Variants in FKBP5 observed in about 807,000 individuals in gnomAD.
The protein encoded by FKBP5 is FKBP prolyl isomerase 5, also known as peptidyl-prolyl cis-trans isomerase FKBP5.
Under a neutral mutation model 50.5 loss-of-function variants are expected in FKBP5, and 23 were observed. The ratio of observed to expected loss-of-function variants is 0.46; its 90% CI spans 0.33 to 0.65. The LOEUF is 0.65. FKBP5 is among the 30% of genes least tolerant of loss of function. The pLI, the probability that FKBP5 is intolerant of heterozygous loss-of-function variation, is 0.02. For synonymous variants in FKBP5, 176 were observed against 190.6 expected (o/e 0.92, Z 0.63); for missense variants, 411 against 553.1 (o/e 0.74, Z 2.58).
chr6:35,629,398 G>C (rs1764087906), intron 3 of FKBP5, among the ~76,000 whole-genome samples: 1 of 152,120 alleles, frequency 6.6e-6, no homozygotes, highest in South Asian at 2.1e-4. Flanking sequence ...TTATGTTTAA[G>C]ACTCTTTTAA....
At position 35,607,450 on chromosome 6, in the gene FKBP5, C is replaced by T. The variant is rs376076159; in HGVS notation, c.509-10046G>A. On this transcript the variant is annotated intron_variant, in intron 5 of 10. Coordinates refer to ENST00000357266, the MANE Select transcript of FKBP5 (RefSeq NM_004117.4). Reference sequence around the variant, plus strand: ...AACTCCTGGGCTCAAGTGACCATCCCACCTTGGCCTCCCAAAGTGCTGGGA... The same window carrying T: ...AACTCCTGGGCTCAAGTGACCATCCTACCTTGGCCTCCCAAAGTGCTGGGA... 2.6e-5 allele frequency among the ~76,000 whole-genome samples: 4 copies of T among 152,180 alleles called. No individual in the cohort carries two copies. The East Asian group carries it at 7.7e-4, about 29-fold the overall frequency.
chr6:35,582,268 A>C (rs1162695157), intron 8 of FKBP5: 5 of 985,244 alleles, frequency 5.1e-6, no homozygotes, highest in African/African-American at 3.5e-5. Context: ...TTTTATTTTA[A>C]ATGCTGAAAT....
intron 3 of FKBP5, among the ~76,000 whole-genome samples, chr6:35,631,046 AAG>A (rs1764137851): frequency 6.6e-6 from 1 of 152,206 alleles, no homozygotes; most frequent in South Asian, 2.1e-4. Flanking sequence ...TAGGCACAAG[AAG>A]AGAGACCCTC....
chr6:35,638,089 G>T (rs989922453), intron 2 of FKBP5, among the ~76,000 whole-genome samples: 26 of 152,142 alleles, frequency 1.7e-4, no homozygotes, highest in Admixed American at 1.4e-3. Flanking sequence ...GTAAAATCCA[G>T]TGTATTTATT....
intron 4 of FKBP5, among the ~76,000 whole-genome samples, 156 bp from the exon 5 acceptor site, chr6:35,619,366 A>C: frequency 7.0e-6 from 1 of 142,106 alleles, no homozygotes; most frequent in Admixed American, 7.1e-5. Flanking sequence ...AAAAGTAGCA[A>C]AAAAAAAAAA....
At chr6:35,605,363 A>G (rs1358826654) in intron 5 of FKBP5, among the ~76,000 whole-genome samples, 1 of 147,122 alleles carries the variant, frequency 6.8e-6, no homozygotes, top group Non-Finnish European at 1.5e-5. Flanking sequence ...CAAAATAATA[A>G]GAGCCACCTA....
chr6:35,650,254 T>C (rs935415137), intron 1 of FKBP5, among the ~76,000 whole-genome samples: 1 of 148,010 alleles, frequency 6.8e-6, no homozygotes, highest in East Asian at 2.0e-4. Context: ...CACGCCATGG[T>C]TGCACCACTG....
intron 2 of FKBP5, among the ~76,000 whole-genome samples, chr6:35,703,479 A>G (rs1766229061): frequency 6.6e-6 from 1 of 152,148 alleles, no homozygotes; most frequent in Admixed American, 6.6e-5. Flanking sequence ...TATCCTAAAT[A>G]CCCTGATTTG....
rs1280833942 is a variant in FKBP5 at position 35,661,400 on chromosome 6, AT to A, written c.-19-18558del. On this transcript the variant is annotated intron_variant, in intron 1 of 10. Transcript: ENST00000357266. ...TGACCATAATTCATGAATGATATACATTCCTTCCAACTTATTAATACTATAT... is the reference window on the plus strand; with the variant it reads ...TGACCATAATTCATGAATGATATACATCCTTCCAACTTATTAATACTATAT... 2.4e-5 allele frequency among the ~76,000 whole-genome samples: 2 copies of A among 84,478 alleles called. 1 individual carries two copies. Among genetic ancestry groups the A allele is most frequent in the Non-Finnish European group, 5.4e-5 (2 of 36,782 alleles). 55.4% of individuals were successfully genotyped at this position (84,478 alleles called of 152,430 possible).
At chr6:35,601,615 G>A (rs1489747653) in intron 5 of FKBP5, among the ~76,000 whole-genome samples, 1 of 152,190 alleles carries the variant, frequency 6.6e-6, no homozygotes, top group African/African-American at 2.4e-5. Flanking sequence ...AGCTCTGGCT[G>A]TGGAAGCCCT....
intron 7 of FKBP5, among the ~76,000 whole-genome samples, chr6:35,589,692 C>T (rs564775727): frequency 6.6e-6 from 1 of 152,262 alleles, no homozygotes; most frequent in East Asian, 1.9e-4. Flanking sequence ...TAACCACATG[C>T]TAAAGATTAT....
At chr6:35,584,934 C>T (rs941171672) in intron 8 of FKBP5, 1 of 985,340 alleles carries the variant, frequency 1.0e-6, no homozygotes, top group African/African-American at 1.7e-5. Flanking sequence ...ACTGTACAGA[C>T]ACTCATTGCT....
chr6:35,581,714 G>A (rs991559296), intron 8 of FKBP5: 2 of 985,346 alleles, frequency 2.0e-6, no homozygotes, highest in African/African-American at 1.7e-5. Flanking sequence ...AGAAACAGGA[G>A]TACAAGTGGG....
chr6:35,602,645 CAGG>C (rs1164244718), intron 5 of FKBP5, among the ~76,000 whole-genome samples: 2 of 151,744 alleles, frequency 1.3e-5, no homozygotes, highest in East Asian at 1.9e-4. Flanking sequence ...TTTCTAAAAG[CAGG>C]AGAACAAGAG....
At chr6:35,690,235 G>A (rs572528541), upstream of FKBP5, among the ~76,000 whole-genome samples, 10 of 152,344 alleles carry the variant, frequency 6.6e-5, no homozygotes, top group Non-Finnish European at 1.3e-4. Context: ...TTGGGAGGCC[G>A]AGATGGGCGG....
At chr6:35,653,386 T>C (rs566191940) in intron 1 of FKBP5, among the ~76,000 whole-genome samples, 1 of 152,268 alleles carries the variant, frequency 6.6e-6, no homozygotes, top group South Asian at 2.1e-4. Context: ...GACTGTAGAA[T>C]AGATAGTTAA....
upstream of FKBP5, among the ~76,000 whole-genome samples, chr6:35,691,462 C>T (rs1765985252): frequency 1.3e-5 from 2 of 152,198 alleles, no homozygotes; most frequent in Admixed American, 6.5e-5. Context: ...GGACGTGTCA[C>T]ATGTCTGGGA....
intron 1 of FKBP5, among the ~76,000 whole-genome samples, chr6:35,656,210 T>C (rs1205591519): frequency 2.6e-5 from 4 of 152,274 alleles, no homozygotes; most frequent in East Asian, 3.9e-4. Flanking sequence ...ATCTCGGCCA[T>C]CTTAAATCCC....
intron 1 of FKBP5, among the ~76,000 whole-genome samples, chr6:35,649,775 T>C (rs930103237): frequency 2.0e-5 from 3 of 152,082 alleles, no homozygotes; most frequent in African/African-American, 7.2e-5. Context: ...CAAGGGAAGA[T>C]GAAAAAGTCA....
Sources: allele counts gnomAD v4.1 joint callset (sites outside exome capture counted in the v4.1 genomes callset), GRCh38; gene constraint gnomAD v4.1.1; transcripts MANE v1.5; gene names NCBI Gene and HGNC (gene_info 2026-07-23, HGNC 2026-07-21).